MDGA2: variants seen among roughly 807,000 people sequenced by gnomAD.
MDGA2 encodes MAM domain-containing glycosylphosphatidylinositol anchor protein 2.
In MDGA2, 40 loss-of-function variants were observed where a neutral mutation model predicts 117.8. The observed-to-expected ratio is 0.34, with a 90% CI of 0.26 to 0.44. MDGA2 has a LOEUF of 0.44. MDGA2 is among the 20% of genes least tolerant of loss of function. The pLI is 1.00. For synonymous variants in MDGA2, 452 were observed against 439.0 expected, an observed-to-expected ratio of 1.03 and a Z score of -0.37; for missense variants, 1,123 against 1,250.6, an observed-to-expected ratio of 0.90 and a Z score of 1.54.
At chr14:47,134,318 T>C (rs1317897245) in intron 4 of MDGA2, among the ~76,000 whole-genome samples, 1 of 152,018 alleles carries the variant, frequency 6.6e-6, no homozygotes, top group African/African-American at 2.4e-5. Flanking sequence ...CAAGGTTTGC[T>C]TTATATATAT....
At chr14:47,159,068 G>A (rs1283877750) in intron 3 of MDGA2, among the ~76,000 whole-genome samples, 1 of 152,194 alleles carries the variant, frequency 6.6e-6, no homozygotes, top group African/African-American at 2.4e-5. Context: ...AGAGCACAGA[G>A]GATTTTTAGG....
intron 8 of MDGA2, among the ~76,000 whole-genome samples, chr14:47,018,875 C>T (rs1439559832): frequency 1.3e-5 from 2 of 150,386 alleles, no homozygotes; most frequent in South Asian, 2.1e-4. Flanking sequence ...ACACACCAGA[C>T]ACATATGGCT....
intron 2 of MDGA2, among the ~76,000 whole-genome samples, chr14:47,264,266 T>C (rs989674785): frequency 6.6e-6 from 1 of 152,182 alleles, no homozygotes; most frequent in Non-Finnish European, 1.5e-5. Flanking sequence ...AAATGGAACA[T>C]GTCATTATAG....
chr14:47,380,288 C>T (rs903200704), intron 1 of MDGA2, among the ~76,000 whole-genome samples: 2 of 152,074 alleles, frequency 1.3e-5, no homozygotes, highest in Non-Finnish European at 2.9e-5. Flanking sequence ...AAAATTGACA[C>T]CCTAACATCA....
chr14:47,039,021 A>T (rs1026184448), intron 7 of MDGA2, among the ~76,000 whole-genome samples: 7 of 152,036 alleles, frequency 4.6e-5, no homozygotes, highest in Non-Finnish European at 1.0e-4. Flanking sequence ...CCTGGCCAAA[A>T]AGACTGTATA....
chr14:47,516,419 G>A (rs535339247), intron 1 of MDGA2, among the ~76,000 whole-genome samples: 9 of 152,196 alleles, frequency 5.9e-5, no homozygotes, highest in East Asian at 1.9e-4. Context: ...TATTCTTAGC[G>A]TGTGGAGCCT....
intron 8 of MDGA2, among the ~76,000 whole-genome samples, chr14:46,959,312 C>CATAT (rs147514373): frequency 1.0e-4 from 13 of 130,406 alleles, no homozygotes; most frequent in Admixed American, 3.0e-4. Flanking sequence ...TGGATACATA[C>CATAT]ATATATATAT....
At chr14:46,853,000 A>G (rs988378401) in intron 15 of MDGA2, among the ~76,000 whole-genome samples, 9 of 152,010 alleles carry the variant, frequency 5.9e-5, no homozygotes, top group Non-Finnish European at 1.5e-5. Context: ...AGAAAAATCA[A>G]TCAACTGAAG....
chr14:47,450,690 T>C (rs887685775), intron 1 of MDGA2, among the ~76,000 whole-genome samples: 29 of 152,102 alleles, frequency 1.9e-4, no homozygotes, highest in African/African-American at 5.8e-4. Flanking sequence ...ATATAGCCTT[T>C]ATAATAACGG....
chr14:47,518,429 A>G (rs1384951144), intron 1 of MDGA2, among the ~76,000 whole-genome samples: 1 of 152,210 alleles, frequency 6.6e-6, no homozygotes, highest in East Asian at 1.9e-4. Flanking sequence ...AAAACTTGGT[A>G]TAAACTGTTA....
chr14:47,138,788 C>G (rs956890964), intron 4 of MDGA2, among the ~76,000 whole-genome samples: 1 of 151,990 alleles, frequency 6.6e-6, no homozygotes, highest in African/African-American at 2.4e-5. Flanking sequence ...TAATTTATTA[C>G]AAATTTATAA....
intron 1 of MDGA2, among the ~76,000 whole-genome samples, chr14:47,578,498 A>G (rs1314703077): frequency 6.6e-6 from 1 of 152,170 alleles, no homozygotes; most frequent in Non-Finnish European, 1.5e-5. Flanking sequence ...GTGAATTTCC[A>G]TCTTACTCTA....
At chr14:46,872,164 G>C (rs1004036203) in intron 14 of MDGA2, among the ~76,000 whole-genome samples, 1 of 151,918 alleles carries the variant, frequency 6.6e-6, no homozygotes, top group Admixed American at 6.6e-5. Context: ...AAGATGGACA[G>C]TGACGTTCAC....
chr14:47,166,981 G>A (rs1883906650), intron 3 of MDGA2, among the ~76,000 whole-genome samples: 1 of 152,098 alleles, frequency 6.6e-6, no homozygotes, highest in Admixed American at 6.6e-5. Context: ...ATAGAATTCT[G>A]CTCTCAGTTG....
At chr14:47,340,473 C>T (rs924989280) in intron 1 of MDGA2, among the ~76,000 whole-genome samples, 5 of 152,076 alleles carry the variant, frequency 3.3e-5, no homozygotes, top group Non-Finnish European at 5.9e-5. Context: ...ACATCAATAA[C>T]GAGTGCCATC....
rs1445589315 is a variant in MDGA2, at chr14:47,290,441, T to C, written c.420+10970A>G. On this transcript the variant is annotated intron_variant, in intron 2 of 16. Coordinates refer to ENST00000399232, the MANE Select transcript of MDGA2 (RefSeq NM_001113498.3). ...ACTGTGAAAAATAAATTTCTATTGT[T>C]TATAAGCCACCCAGTTTATGTTATT... 2.0e-5 allele frequency among the ~76,000 whole-genome samples: 3 copies of C among 152,252 alleles called. No homozygotes were observed. In the East Asian group the frequency reaches 5.8e-4, roughly 29 times the overall value.
intron 1 of MDGA2, among the ~76,000 whole-genome samples, chr14:47,357,105 C>T (rs940227330): frequency 8.5e-5 from 13 of 152,230 alleles, no homozygotes; most frequent in African/African-American, 2.9e-4. Context: ...TTGGTTAAAC[C>T]GTTTCCTCCC....
intron 3 of MDGA2, among the ~76,000 whole-genome samples, chr14:47,176,674 G>A (rs538745485): frequency 0.01 from 1,589 of 152,212 alleles, 31 homozygotes; most frequent in African/African-American, 0.036. Context: ...AGACTTAAAT[G>A]TTAGACCTAA....
In MDGA2 at chr14:47,131,837, T is replaced by G; in HGVS notation, c.802A>C (p.Lys268Gln). The G allele has an allele frequency of 6.3e-7, 1 of 1,575,900 alleles. No individual in the cohort carries two copies. Among genetic ancestry groups the G allele is most frequent in the Non-Finnish European group, 8.7e-7 (1 of 1,152,948 alleles). Residue 268 changes from lysine to glutamine, a missense_variant, in exon 5 of 17, where the codon AAG becomes CAG. By Grantham distance (53) the Lys-to-Gln change is moderately conservative. This residue lies in a region of MDGA2 where 890 missense variants were observed against 1,050.3 expected (regional missense o/e 0.85). Coordinates refer to ENST00000399232, the MANE Select transcript of MDGA2 (RefSeq NM_001113498.3). ...YEPFFTQGETKILKLKNLRPQ... is the reference protein window; with the variant it reads ...YEPFFTQGETQILKLKNLRPQ... ...CGAAGATTCTTTAGTTTTAAGATCT[T>G]TGTTTCACCCTGAAAATGTACACAA...
Sources: allele counts gnomAD v4.1 joint callset (sites outside exome capture counted in the v4.1 genomes callset), GRCh38; gene constraint gnomAD v4.1.1; regional missense constraint gnomAD v4.1.1; transcripts MANE v1.5; gene names NCBI Gene and HGNC (gene_info 2026-07-23, HGNC 2026-07-21).